Variants in CAMK1D observed in about 807,000 individuals in gnomAD.
CAMK1D encodes the protein calcium/calmodulin-dependent protein kinase type 1D.
Under a neutral mutation model 47.7 loss-of-function variants are expected in CAMK1D, and 9 were observed. That is an observed-to-expected ratio of 0.19 (90% confidence interval 0.11 to 0.33). CAMK1D has a LOEUF of 0.33. CAMK1D is among the 10% of genes least tolerant of loss of function. The pLI is 1.00. For synonymous variants in CAMK1D, 184 were observed against 184.9 expected, an observed-to-expected ratio of 0.99 and a Z score of 0.04; for missense variants, 291 against 488.7, an observed-to-expected ratio of 0.60 and a Z score of 3.81.
rs147152670 is a variant in CAMK1D at position 12,538,419 on chromosome 10, G to A, written c.93-14806G>A. Among the ~76,000 whole-genome samples the A allele has an allele frequency of 3.9e-5, 6 of 152,304 alleles. No homozygotes were observed. The East Asian group carries it at 9.6e-4, about 24-fold the overall frequency. ...GGGAGGTCATTTTGCTGCTGCTTGTGAGATGTATCTGATTGAACGGTGAAA... is the reference window on the plus strand; with the variant it reads ...GGGAGGTCATTTTGCTGCTGCTTGTAAGATGTATCTGATTGAACGGTGAAA... On this transcript the variant is annotated intron_variant, in intron 1 of 10. Transcript: ENST00000619168.
At chr10:12,379,598 C>G (rs1838281624) in intron 1 of CAMK1D, among the ~76,000 whole-genome samples, 1 of 151,912 alleles carries the variant, frequency 6.6e-6, no homozygotes, top group African/African-American at 2.4e-5. Flanking sequence ...ACTAAAAATA[C>G]AAAAATTAGC....
chr10:12,521,630 C>G lies in CAMK1D; in HGVS notation c.93-31595C>G, dbSNP rs1259650003. 5.3e-5 allele frequency among the ~76,000 whole-genome samples: 8 copies of G among 152,132 alleles called. No homozygotes were observed. The South Asian group carries it at 1.7e-3, about 31-fold the overall frequency. On this transcript the variant is annotated intron_variant, in intron 1 of 10. Coordinates refer to ENST00000619168, the MANE Select transcript of CAMK1D (RefSeq NM_153498.4). ...CATTTAATAGTATCATGCAGGACTTCTGTATCCCCGCCAATTTTCTGTCTG... is the reference window on the plus strand; with the variant it reads ...CATTTAATAGTATCATGCAGGACTTGTGTATCCCCGCCAATTTTCTGTCTG...
chr10:12,783,461 C>T (rs539598752), intron 5 of CAMK1D, among the ~76,000 whole-genome samples: 11 of 152,252 alleles, frequency 7.2e-5, no homozygotes, highest in African/African-American at 2.2e-4. Context: ...GCACCCTGAA[C>T]GTGGGCTTCC....
At chr10:12,385,903 C>T (rs144275904) in intron 1 of CAMK1D, among the ~76,000 whole-genome samples, 1,571 of 152,092 alleles carry the variant, frequency 0.01, 16 homozygotes, top group Admixed American at 0.022. Flanking sequence ...TGCGCCACCG[C>T]GCCTGGCTAT....
At chr10:12,523,194 G>A (rs1469297092) in intron 1 of CAMK1D, among the ~76,000 whole-genome samples, 4 of 150,990 alleles carry the variant, frequency 2.6e-5, no homozygotes, top group South Asian at 2.1e-4. Context: ...ACGGGGCGGT[G>A]GGGCAGAGGT....
At chr10:12,350,306 C>G (rs1421398208) in intron 1 of CAMK1D, among the ~76,000 whole-genome samples, 1 of 152,234 alleles carries the variant, frequency 6.6e-6, no homozygotes, top group Non-Finnish European at 1.5e-5. Context: ...GTTGGCGAGA[C>G]GTGGTCACGA....
chr10:12,567,478 A>G (rs143119196), intron 2 of CAMK1D, among the ~76,000 whole-genome samples: 4 of 152,110 alleles, frequency 2.6e-5, no homozygotes, highest in African/African-American at 9.7e-5. Context: ...GGTTTGGGGG[A>G]TAAGCCAGGC....
intron 2 of CAMK1D, among the ~76,000 whole-genome samples, chr10:12,645,759 G>A (rs1341708751): frequency 6.6e-6 from 1 of 152,168 alleles, no homozygotes; most frequent in African/African-American, 2.4e-5. Flanking sequence ...AGAGTTGGAC[G>A]GCTGATGGGC....
chr10:12,457,529 T>G (rs1442975070), intron 1 of CAMK1D, among the ~76,000 whole-genome samples: 1 of 152,084 alleles, frequency 6.6e-6, no homozygotes, highest in African/African-American at 2.4e-5. Flanking sequence ...GGCTCACACC[T>G]ATAATCCCAT....
At chr10:12,359,523 G>A (rs1335012216) in intron 1 of CAMK1D, among the ~76,000 whole-genome samples, 1 of 149,512 alleles carries the variant, frequency 6.7e-6, no homozygotes, top group Non-Finnish European at 1.5e-5. Context: ...GTAGCTTCTC[G>A]GTTTTTTTTT....
At chr10:12,716,873 C>T (rs1165226723) in intron 3 of CAMK1D, among the ~76,000 whole-genome samples, 1 of 152,254 alleles carries the variant, frequency 6.6e-6, no homozygotes, top group Non-Finnish European at 1.5e-5. Context: ...TGTCGGGACT[C>T]TCTTACTAGA....
At chr10:12,544,488 T>C (rs1415052241) in intron 1 of CAMK1D, among the ~76,000 whole-genome samples, 2 of 152,238 alleles carry the variant, frequency 1.3e-5, no homozygotes. Context: ...TAAGACTTTT[T>C]CCAGTCAAAA....
intron 1 of CAMK1D, among the ~76,000 whole-genome samples, chr10:12,354,503 G>T (rs1238550593): frequency 2.0e-5 from 3 of 150,352 alleles, no homozygotes; most frequent in African/African-American, 7.4e-5. Flanking sequence ...TCAGCTCACC[G>T]CAACCTCCGC....
rs927552467 is a variant in CAMK1D at position 12,746,129 on chromosome 10, C to T, written c.300-14819C>T. Among the ~76,000 whole-genome samples, 8 of 149,954 alleles carry T rather than the reference C, an allele frequency of 5.3e-5. No homozygotes were observed. The South Asian group carries it at 8.3e-4, about 16-fold the overall frequency. On this transcript the variant is annotated intron_variant, in intron 3 of 10. Transcript: ENST00000619168. ...TGTAGAGCTATTAAAAAGTTACTGACGAGGCGGACGGATCCGCATGGTCAG... is the reference window on the plus strand; with the variant it reads ...TGTAGAGCTATTAAAAAGTTACTGATGAGGCGGACGGATCCGCATGGTCAG...
chr10:12,583,612 T>TTA (rs1837728110), intron 2 of CAMK1D, among the ~76,000 whole-genome samples: 3 of 151,086 alleles, frequency 2.0e-5, no homozygotes, highest in African/African-American at 7.3e-5. Flanking sequence ...TTTATTTTTT[T>TTA]TTTTTTTTGA....
chr10:12,456,933 C>A (rs1364945848), intron 1 of CAMK1D, among the ~76,000 whole-genome samples: 2 of 152,176 alleles, frequency 1.3e-5, no homozygotes, highest in Admixed American at 6.5e-5. Flanking sequence ...GATACACCCC[C>A]ACATGTGATG....
In CAMK1D at chr10:12,417,002, C is replaced by A. The variant is rs572224133; in HGVS notation, c.92+67092C>A. On this transcript the variant is annotated intron_variant, in intron 1 of 10. Coordinates refer to ENST00000619168, the MANE Select transcript of CAMK1D (RefSeq NM_153498.4). Reference sequence around the variant, plus strand: ...GGGGCCCGGGGTCACACTGCTTGGGCCTGCATCCCAGTTTAATGGTGGGAC... The same window carrying A: ...GGGGCCCGGGGTCACACTGCTTGGGACTGCATCCCAGTTTAATGGTGGGAC... 2.0e-5 allele frequency among the ~76,000 whole-genome samples: 3 copies of A among 152,162 alleles called. No individual in the cohort carries two copies. The East Asian group carries it at 5.8e-4, about 29-fold the overall frequency.
intron 3 of CAMK1D, among the ~76,000 whole-genome samples, chr10:12,722,124 T>C (rs75351173): frequency 0.036 from 5,464 of 152,096 alleles, 243 homozygotes; most frequent in African/African-American, 0.11. Flanking sequence ...TATATGCATT[T>C]TGGGAGACAG....
chr10:12,749,640 C>G (rs1427556125), intron 3 of CAMK1D, among the ~76,000 whole-genome samples: 1 of 151,882 alleles, frequency 6.6e-6, no homozygotes, highest in East Asian at 1.9e-4. Context: ...CTCACTGCAA[C>G]TTCTGCCTCC....
Sources: allele counts gnomAD v4.1 joint callset (sites outside exome capture counted in the v4.1 genomes callset), GRCh38; gene constraint gnomAD v4.1.1; transcripts MANE v1.5; gene names NCBI Gene and HGNC (gene_info 2026-07-23, HGNC 2026-07-21).